The following VASH2 variants were observed in gnomAD, a reference collection of about 807,000 sequenced individuals.
The protein encoded by VASH2 is vasohibin 2.
Under a neutral mutation model 37.2 loss-of-function variants are expected in VASH2, and 28 were observed. That is an observed-to-expected ratio of 0.75 (90% CI 0.56 to 1.03). VASH2 has a LOEUF of 1.03. VASH2 is among the 50% of genes least tolerant of loss of function. The pLI is 0.00. For synonymous variants in VASH2, 188 were observed against 174.7 expected (o/e 1.08, Z -0.60); for missense variants, 419 against 459.1 (o/e 0.91, Z 0.80).
chr1:212,984,108 G>C (rs545464765), intron 7 of VASH2, among the ~76,000 whole-genome samples: 1 of 152,298 alleles, frequency 6.6e-6, no homozygotes, highest in South Asian at 2.1e-4. Context: ...ATTTATAATG[G>C]TGATTTCCTG....
chr1:212,974,286 G>A (rs533991893), intron 7 of VASH2, among the ~76,000 whole-genome samples: 3 of 152,176 alleles, frequency 2.0e-5, no homozygotes, highest in Admixed American at 2.0e-4. Context: ...GCACACAAAC[G>A]GAGGGATAAG....
At chr1:212,954,147 G>A (rs772321915) in intron 2 of VASH2, among the ~76,000 whole-genome samples, 2 of 152,054 alleles carry the variant, frequency 1.3e-5, no homozygotes, top group Non-Finnish European at 2.9e-5. Context: ...TTCTAGGCTC[G>A]AGCGATTCTC....
chr1:212,951,673 A>T lies in VASH2; in HGVS notation c.131A>T (p.Asp44Val), dbSNP rs1558138450. The change falls in exon 2 of 8, where the codon GAC (aspartate) becomes GTC (valine). Residue 44 changes from aspartate (D) to valine (V), a missense_variant. Around this residue, in one of 3 missense-constraint regions of VASH2, gnomAD observed 158 missense variants for 163.0 expected, o/e 0.97. Coordinates refer to ENST00000517399, the MANE Select transcript of VASH2 (RefSeq NM_001301056.2). The surrounding 1 kb of genome is among the most constrained non-coding windows in gnomAD (Gnocchi z 4.4). ...TSGGSEEEDK[D>V]GGVLFHVNKS... ...GGGGGCTCAGAGGAGGAGGACAAAG[A>T]CGGCGGGGTGCTGTTCCACGTCAAC... The T allele has an allele frequency of 1.9e-6, 3 of 1,596,502 alleles. No individual in the cohort carries two copies. Among genetic ancestry groups the T allele is most frequent in the Non-Finnish European group, 2.6e-6 (3 of 1,172,682 alleles).
Position 212,966,315 on chromosome 1 carries a change from T to C in VASH2, c.467T>C (p.Ile156Thr). 6.4e-7 allele frequency: 1 copy of C among 1,551,738 alleles called. No homozygotes were observed. Among genetic ancestry groups the C allele is most frequent in the Non-Finnish European group, 8.7e-7 (1 of 1,147,000 alleles). The change falls in exon 5 of 8, where the codon ATC (isoleucine) becomes ACC (threonine). Residue 156 changes from isoleucine to threonine, a missense_variant. Physicochemically the swap from Ile to Thr is moderately conservative, Grantham distance 89. Transcript: ENST00000517399. The stretch of plus-strand genomic sequence containing the variant: ...GAAATGACCCGAGAGTCCTTGCCTA[T>C]CAAATGCCTTGAAGCTGTCATCCTG... ...AKEMTRESLPIKCLEAVILGI... is the reference protein window; with the variant it reads ...AKEMTRESLPTKCLEAVILGI...
chr1:212,979,533 T>A (rs1667277942), intron 7 of VASH2, among the ~76,000 whole-genome samples: 1 of 152,188 alleles, frequency 6.6e-6, no homozygotes, highest in South Asian at 2.1e-4. Flanking sequence ...ATAATTTTAG[T>A]GGCATTATAT....
intron 3 of VASH2, among the ~76,000 whole-genome samples, chr1:212,964,730 C>T (rs1666786707): frequency 6.6e-6 from 1 of 152,178 alleles, no homozygotes; most frequent in Non-Finnish European, 1.5e-5. Context: ...CTATGCGCTA[C>T]TGCAAAGCCC....
At chr1:212,972,483 A>G (rs572180338) in intron 5 of VASH2, 97 bp from the exon 6 acceptor site, 10 of 1,443,992 alleles carry the variant, frequency 6.9e-6, no homozygotes, top group South Asian at 5.0e-5. Context: ...AGGCAGGGGG[A>G]TGGACTCACT....
chr1:212,970,362 C>T (rs1666973228), intron 5 of VASH2, among the ~76,000 whole-genome samples: 1 of 152,164 alleles, frequency 6.6e-6, no homozygotes, highest in African/African-American at 2.4e-5. Context: ...TCTCTTGTCT[C>T]CTCCCCACTT....
rs2075858147 is a variant in VASH2 at position 212,991,372 on chromosome 1, T to G, written c.*2788T>G. The G allele has an allele frequency of 6.6e-6, 1 of 152,252 alleles. No homozygotes were observed. The highest frequency in any genetic ancestry group is 2.4e-5 in the African/African-American group (1 of 41,466). The allele number at this position is 152,252 out of a possible 1,614,324, so 9.4% of individuals were successfully genotyped here. A position where few individuals can be genotyped will look rare whatever the true frequency, so the allele number is the denominator to read the frequency against. On this transcript the variant is annotated 3_prime_UTR_variant, in exon 8 of 8. Coordinates refer to ENST00000517399, the MANE Select transcript of VASH2 (RefSeq NM_001301056.2). Reference sequence around the variant, plus strand: ...GACATACAATTCAGAACTTTGTTTATTCTCTTGGACTTTGTTCTGGCCAAT... The same window carrying G: ...GACATACAATTCAGAACTTTGTTTAGTCTCTTGGACTTTGTTCTGGCCAAT...
At chr1:212,966,123 G>T in intron 4 of VASH2, 148 bp from the exon 5 acceptor site, 1 of 685,914 alleles carries the variant, frequency 1.5e-6, no homozygotes. Context: ...TTGTGCTTTG[G>T]TGCCTTCCTG....
chr1:212,961,444 T>C (rs112225810), intron 3 of VASH2, 190 bp downstream of exon 3: 2 of 1,289,016 alleles, frequency 1.6e-6, no homozygotes, highest in Non-Finnish European at 1.0e-6. Context: ...AGTGACCCAG[T>C]AGGGCAGGCT....
At chr1:212,961,392 G>C (rs537115849) in intron 3 of VASH2, 138 bp downstream of exon 3, 7 of 1,521,452 alleles carry the variant, frequency 4.6e-6, no homozygotes, top group Admixed American at 2.0e-5. Context: ...GGGATGTCCC[G>C]GGTGGGAGTC....
At position 212,965,405 on chromosome 1, in the gene VASH2, G is replaced by A. The variant is rs1377779034; in HGVS notation, c.366-317G>A. On this transcript the variant is annotated intron_variant, in intron 3 of 7. Coordinates refer to ENST00000517399, the MANE Select transcript of VASH2 (RefSeq NM_001301056.2). ...AAAAAAACTTGTTTTTTTAAAAAAAGAATAGTACCAGCTCTCAAAGAGCTT... is the reference window on the plus strand; with the variant it reads ...AAAAAAACTTGTTTTTTTAAAAAAAAAATAGTACCAGCTCTCAAAGAGCTT... Among the ~76,000 whole-genome samples, 4 of 152,236 alleles carry A rather than the reference G, an allele frequency of 2.6e-5. No homozygotes were observed. The South Asian group carries it at 8.3e-4, about 32-fold the overall frequency.
At position 212,991,184 on chromosome 1, in the gene VASH2, T is replaced by G. The variant is rs2075856045; in HGVS notation, c.*2600T>G. ...GAGATATTTAGTATTTTCTATACACTCTGAAATCATGAGCATTTCACTTTT... is the reference window on the plus strand; with the variant it reads ...GAGATATTTAGTATTTTCTATACACGCTGAAATCATGAGCATTTCACTTTT... On this transcript the variant is annotated 3_prime_UTR_variant, in exon 8 of 8. Transcript: ENST00000517399. 1 of 152,148 alleles carries G rather than the reference T, an allele frequency of 6.6e-6. No homozygotes were observed. The allele number at this position is 152,148 out of a possible 1,614,324, so 9.4% of individuals were successfully genotyped here.
intron 3 of VASH2, among the ~76,000 whole-genome samples, chr1:212,961,846 C>G (rs1220404106): frequency 1.3e-5 from 2 of 152,214 alleles, no homozygotes; most frequent in African/African-American, 4.8e-5. Flanking sequence ...GTGATCCGCC[C>G]ACCTCGGCCT....
At chr1:212,955,619 G>A (rs540247900) in intron 2 of VASH2, among the ~76,000 whole-genome samples, 1 of 152,202 alleles carries the variant, frequency 6.6e-6, no homozygotes, top group Non-Finnish European at 1.5e-5. Context: ...TCTCCTTGGG[G>A]CAGAAAACCA....
rs1335390776 is a variant in VASH2, at chr1:212,961,194, G to A, written c.305G>A (p.Arg102Lys). 9.9e-6 allele frequency: 16 copies of A among 1,614,186 alleles called. No homozygotes were observed. The highest frequency in any genetic ancestry group is 1.1e-5 in the Non-Finnish European group (13 of 1,180,028). Reference protein sequence around the residue: ...KPSIPQVPNYRLSMTIPDWLQ... With the variant: ...KPSIPQVPNYKLSMTIPDWLQ... The stretch of plus-strand genomic sequence containing the variant: ...TCAATACCCCAGGTCCCAAACTACA[G>A]GCTGTCGATGACGATCCCAGACTGG... Residue 102 changes from arginine to lysine, a missense_variant, in exon 3 of 8, where the codon AGG (arginine) becomes AAG (lysine). Transcript: ENST00000517399.
At chr1:212,956,310 C>G (rs1666487647) in intron 2 of VASH2, among the ~76,000 whole-genome samples, 1 of 152,130 alleles carries the variant, frequency 6.6e-6, no homozygotes, top group Admixed American at 6.5e-5. Flanking sequence ...TTTCTGTCCA[C>G]TCCACTCCCT....
intron 3 of VASH2, 56 bp from the exon 4 acceptor site, chr1:212,965,666 A>G (rs1278083723): frequency 4.1e-6 from 6 of 1,461,484 alleles, no homozygotes; most frequent in Non-Finnish European, 5.6e-6. Flanking sequence ...TTTCTCTGCC[A>G]CATTACTGGG....
Sources: gnomAD v4.1 joint callset for allele counts (sites outside exome capture counted in the v4.1 genomes callset) on GRCh38, gnomAD v4.1.1 for gene constraint, gnomAD v4.1.1 regional missense constraint, Gnocchi (gnomAD v3.1) non-coding constraint, MANE v1.5 for transcripts, NCBI Gene and HGNC (gene_info 2026-07-23, HGNC 2026-07-21) for gene names.